Variants in CFAP46 observed in about 807,000 individuals in gnomAD.
CFAP46 encodes cilia and flagella associated protein 46.
A neutral mutation model predicts 325.7 loss-of-function variants in CFAP46; 245 were observed. The ratio of observed to expected loss-of-function variants is 0.75; its 90% CI spans 0.68 to 0.84. The LOEUF (loss-of-function observed/expected upper bound fraction) is 0.84, where lower values mean the gene tolerates loss of function less well. CFAP46 is among the 40% of genes least tolerant of loss of function. The probability of loss-of-function intolerance (pLI) is 0.00; values close to 1 mark genes in which losing one functional copy is unlikely to be tolerated. For synonymous variants in CFAP46, 1,523 were observed against 1,495.9 expected, an observed-to-expected ratio of 1.02 and a Z score of -0.42; for missense variants, 3,346 against 3,543.0, an observed-to-expected ratio of 0.94 and a Z score of 1.41.
chr10:132,899,715 G>C (rs958986393), intron 22 of CFAP46, 49 bp from the exon 23 acceptor site: 1 of 1,521,034 alleles, frequency 6.6e-7, no homozygotes, highest in Admixed American at 2.1e-5. Context: ...GCCCACCTTG[G>C]GTCCTCCCTC....
intron 50 of CFAP46, among the ~76,000 whole-genome samples, chr10:132,824,407 T>A (rs1591036888): frequency 7.7e-6 from 1 of 129,700 alleles, no homozygotes; most frequent in African/African-American, 3.0e-5. Context: ...TGATGTGTGT[T>A]TTGTGTGCTG....
Position 132,872,752 on chromosome 10 carries a change from G to C in CFAP46, c.4435C>G (p.Pro1479Ala), listed in dbSNP as rs1350550014. 1.3e-6 allele frequency: 2 copies of C among 1,550,818 alleles called. No individual in the cohort carries two copies. Among genetic ancestry groups the C allele is most frequent in the Non-Finnish European group, 1.7e-6 (2 of 1,147,082 alleles). The stretch of plus-strand genomic sequence containing the variant: ...ATCAGCACCCCCAACTGCAGGACGG[G>C]AACCGTGAGTTCGTGCAGGCACATC... ...QKMCLHELTV[P>A]VLQLGVLISD... The change falls in exon 32 of 58, where the codon CCC becomes GCC. Residue 1479 changes from proline (P) to alanine (A), a missense_variant. Transcript: ENST00000368586.
At chr10:132,809,828 CCT>C (rs1847542090) in intron 57 of CFAP46, among the ~76,000 whole-genome samples, 1 of 152,330 alleles carries the variant, frequency 6.6e-6, no homozygotes, top group African/African-American at 2.4e-5. Flanking sequence ...CGACTTTTCC[CCT>C]GTGAGGCCAA....
At chr10:132,829,081 T>C (rs1310496655) in intron 50 of CFAP46, among the ~76,000 whole-genome samples, 1 of 92,938 alleles carries the variant, frequency 1.1e-5, no homozygotes, top group South Asian at 3.6e-4. Flanking sequence ...TGTTAACTTC[T>C]ACAAAAAAAA....
rs540037514 is a variant in CFAP46 at position 132,939,733 on chromosome 10, C to A, written c.372-980G>T. Among the ~76,000 whole-genome samples the A allele has an allele frequency of 6.6e-6, 1 of 152,154 alleles. No homozygotes were observed. The highest frequency in any genetic ancestry group is 1.5e-5 in the Non-Finnish European group (1 of 68,016). The stretch of plus-strand genomic sequence containing the variant: ...CAGAGGGGTCATCATGGGACTCCAG[C>A]GGCCTGCTGCGTCTCCCTGAGTGCT... On this transcript the variant is annotated intron_variant, in intron 4 of 57. Coordinates refer to ENST00000368586, the MANE Select transcript of CFAP46 (RefSeq NM_001200049.3). The surrounding 1 kb of genome is among the most constrained non-coding windows in gnomAD (Gnocchi z 4.6).
chr10:132,908,438 G>A, intron 22 of CFAP46, 30 bp downstream of exon 22: 1 of 1,550,064 alleles, frequency 6.5e-7, no homozygotes, highest in Non-Finnish European at 8.7e-7. Context: ...CCGTTTTGAG[G>A]GAATTTGTCC....
intron 44 of CFAP46, among the ~76,000 whole-genome samples, chr10:132,840,582 G>T (rs1021238561): frequency 6.6e-6 from 1 of 152,086 alleles, no homozygotes; most frequent in Non-Finnish European, 1.5e-5. Flanking sequence ...CCTGTAACCC[G>T]TTTGAGCTAA....
At chr10:132,940,120 C>A (rs1209020883) in intron 4 of CFAP46, among the ~76,000 whole-genome samples, 1 of 152,154 alleles carries the variant, frequency 6.6e-6, no homozygotes, top group African/African-American at 2.4e-5. Context: ...CCGTCCCTGT[C>A]CCCATGCAGA....
intron 22 of CFAP46, among the ~76,000 whole-genome samples, chr10:132,905,357 A>G (rs1309537426): frequency 6.6e-6 from 1 of 151,926 alleles, no homozygotes; most frequent in Non-Finnish European, 1.5e-5. Context: ...CAATGCAGTC[A>G]GACAGCTCTC....
In CFAP46 at chr10:132,828,490, A is replaced by G. The variant is rs1302291955; in HGVS notation, c.7117+4868T>C. On this transcript the variant is annotated intron_variant, in intron 50 of 57. Coordinates refer to ENST00000368586, the MANE Select transcript of CFAP46 (RefSeq NM_001200049.3). The surrounding 1 kb of genome is among the most constrained non-coding windows in gnomAD (Gnocchi z 4.9). Reference sequence around the variant, plus strand: ...TTCCATCGTACTTTGTTTGCTATCTAAATCTTTTCTCGTGAAGTATCTGTT... The same window carrying G: ...TTCCATCGTACTTTGTTTGCTATCTGAATCTTTTCTCGTGAAGTATCTGTT... Among the ~76,000 whole-genome samples the G allele has an allele frequency of 6.6e-6, 1 of 152,194 alleles. No homozygotes were observed. The highest frequency in any genetic ancestry group is 1.5e-5 in the Non-Finnish European group (1 of 68,044).
At chr10:132,914,876 A>T (rs1022158966) in intron 17 of CFAP46, among the ~76,000 whole-genome samples, 1 of 152,292 alleles carries the variant, frequency 6.6e-6, no homozygotes, top group African/African-American at 2.4e-5. Context: ...GCTTCGCTCC[A>T]CACTGTGAAG....
At chr10:132,913,332 G>A (rs1849583895) in intron 17 of CFAP46, 74 bp from the exon 18 acceptor site, 1 of 1,188,662 alleles carries the variant, frequency 8.4e-7, no homozygotes, top group African/African-American at 1.5e-5. Flanking sequence ...AAGGCTGCGG[G>A]GCCTGTTAGG....
chr10:132,867,815 G>A (rs1364911409), intron 33 of CFAP46, among the ~76,000 whole-genome samples: 2 of 151,812 alleles, frequency 1.3e-5, no homozygotes, highest in Non-Finnish European at 2.9e-5. Context: ...TGCCTCCCGC[G>A]GGCACCCCCA....
chr10:132,867,993 C>T lies in CFAP46; in HGVS notation c.4611-486G>A, dbSNP rs142179945. Among the ~76,000 whole-genome samples, 387 of 152,338 alleles carry T rather than the reference C, an allele frequency of 2.5e-3. 2 individuals carry two copies. Among genetic ancestry groups the T allele is most frequent in the African/African-American group, 8.7e-3 (360 of 41,592 alleles). On this transcript the variant is annotated intron_variant, in intron 33 of 57. Transcript: ENST00000368586. Reference sequence around the variant, plus strand: ...TCTCCTGTGCCATGAACACCAGGTCCTGGCCATTTGCCACAGCACGTCCAG... The same window carrying T: ...TCTCCTGTGCCATGAACACCAGGTCTTGGCCATTTGCCACAGCACGTCCAG...
chr10:132,935,688 A>G (rs1368192812), intron 7 of CFAP46, among the ~76,000 whole-genome samples: 2 of 102,848 alleles, frequency 1.9e-5, no homozygotes, highest in East Asian at 3.3e-4. Context: ...CACTCCCCTC[A>G]CATCCAAACA....
Position 132,922,500 on chromosome 10 carries a change from C to G in CFAP46, c.1465G>C (p.Ala489Pro). ...GGCACCTGCTCAACGGCCATGATGG[C>G]CTTGTCCTCTGCGCGCTCAGGGGCC... ...YQAPERAEDK[A>P]IMAVEQAKKA... Residue 489 changes from alanine (A) to proline (P), a missense_variant, in exon 12 of 58, where the codon GCC becomes CCC. By Grantham distance (27) the Ala-to-Pro change is conservative (BLOSUM62 -1). Coordinates refer to ENST00000368586, the MANE Select transcript of CFAP46 (RefSeq NM_001200049.3). 1 of 1,543,180 alleles carries G rather than the reference C, an allele frequency of 6.5e-7. No homozygotes were observed. The highest frequency in any genetic ancestry group is 1.2e-5 in the South Asian group (1 of 83,900).
At chr10:132,822,885 C>CAGTGATGTGTGCTGTGTGTGT (rs1847906540) in intron 50 of CFAP46, among the ~76,000 whole-genome samples, 1 of 98,854 alleles carries the variant, frequency 1.0e-5, no homozygotes, top group African/African-American at 4.0e-5. Context: ...GCTGTGTGTG[C>CAGTGATGTGTGCTGTGTGTGT]GCTGATGTGT....
chr10:132,882,171 TGTGGGATGTGGGGTGTGA>T lies in CFAP46; in HGVS notation c.3628-1157_3628-1140del, dbSNP rs577269991. Among the ~76,000 whole-genome samples, 498 of 146,294 alleles carry T rather than the reference TGTGGGATGTGGGGTGTGA, an allele frequency of 3.4e-3. 1 individual carries two copies. The highest frequency in any genetic ancestry group is 5.2e-3 in the Non-Finnish European group (341 of 66,164). Reference sequence around the variant, plus strand: ...TGGGATGTGGGGTGTGAGTGGTGTGTGTGGGATGTGGGGTGTGAGTGGGATGTGGGGTATGAGTGGTGT... The same window carrying T: ...TGGGATGTGGGGTGTGAGTGGTGTGTGTGGGATGTGGGGTATGAGTGGTGT... On this transcript the variant is annotated intron_variant, in intron 27 of 57. Transcript: ENST00000368586.
intron 1 of CFAP46, 143 bp from the exon 2 acceptor site, chr10:132,942,247 G>T: frequency 8.2e-7 from 1 of 1,221,324 alleles, no homozygotes; most frequent in Non-Finnish European, 1.1e-6. Context: ...CCAGGGAGCA[G>T]CGGTGTGGGC....
Sources: allele counts gnomAD v4.1 joint callset (sites outside exome capture counted in the v4.1 genomes callset), GRCh38; gene constraint gnomAD v4.1.1; non-coding constraint Gnocchi (gnomAD v3.1); transcripts MANE v1.5; gene names NCBI Gene and HGNC (gene_info 2026-07-23, HGNC 2026-07-21).